FAM98B: variants seen among roughly 807,000 people sequenced by gnomAD.
The protein encoded by FAM98B is tRNA-splicing ligase complex subunit FAM98B.
In FAM98B, 32 loss-of-function variants were observed where a neutral mutation model predicts 43.9. That is an observed-to-expected ratio of 0.73 (90% CI 0.55 to 0.98). The LOEUF (loss-of-function observed/expected upper bound fraction) is 0.98. Ranked by LOEUF, FAM98B falls within the 50% of genes least tolerant of loss-of-function variation. FAM98B has a pLI of 0.00. For synonymous variants in FAM98B, 190 were observed against 174.0 expected (o/e 1.09, Z -0.72); for missense variants, 514 against 522.9 (o/e 0.98, Z 0.17).
At chr15:38,471,099 A>AT (rs982138674) in intron 4 of FAM98B, among the ~76,000 whole-genome samples, 4 of 152,062 alleles carry the variant, frequency 2.6e-5, no homozygotes, top group Non-Finnish European at 5.9e-5. Context: ...TACAGGATTC[A>AT]TTTTAAAGGA....
At chr15:38,468,754 A>G (rs1229007379) in intron 3 of FAM98B, among the ~76,000 whole-genome samples, 1 of 152,198 alleles carries the variant, frequency 6.6e-6, no homozygotes, top group Non-Finnish European at 1.5e-5. Context: ...TCCTACTTGT[A>G]GATCTACTGT....
intron 3 of FAM98B, among the ~76,000 whole-genome samples, chr15:38,469,007 G>A (rs903598212): frequency 6.6e-6 from 1 of 152,178 alleles, no homozygotes; most frequent in Admixed American, 6.5e-5. Context: ...CTGGGTTCAA[G>A]CAATTCTCCT....
At chr15:38,475,016 A>G (rs1361951060) in intron 6 of FAM98B, among the ~76,000 whole-genome samples, 1 of 151,310 alleles carries the variant, frequency 6.6e-6, no homozygotes, top group African/African-American at 2.4e-5. Flanking sequence ...GGGAGAGTTA[A>G]TCTGGTGCCG....
intron 4 of FAM98B, among the ~76,000 whole-genome samples, chr15:38,471,263 G>T (rs1234911613): frequency 6.6e-6 from 1 of 152,014 alleles, no homozygotes; most frequent in Non-Finnish European, 1.5e-5. Context: ...GAGAATTATA[G>T]TATCATTAAG....
At chr15:38,473,733 C>A (rs1890157521) in intron 5 of FAM98B, 148 bp downstream of exon 5, 2 of 622,058 alleles carry the variant, frequency 3.2e-6, no homozygotes, top group African/African-American at 3.8e-5. Flanking sequence ...GTAATATGTC[C>A]TAACATTTCT....
chr15:38,468,582 T>C (rs767550204), intron 3 of FAM98B, among the ~76,000 whole-genome samples: 1 of 152,182 alleles, frequency 6.6e-6, no homozygotes, highest in Non-Finnish European at 1.5e-5. Context: ...AAGTTTAATA[T>C]TGGTCTTAAA....
rs1889993389 is a variant in FAM98B at position 38,464,177 on chromosome 15, GGTATTGCCATTATGTT to G, written c.217+6_217+21del. On this transcript the variant is annotated splice_donor_variant and splice_donor_5th_base_variant and intron_variant, in intron 2 of 7. Coordinates refer to ENST00000397609, the MANE Select transcript of FAM98B (RefSeq NM_173611.4). LOFTEE classifies it high-confidence loss of function. Reference sequence around the variant, plus strand: ...CTTGGAAGAAAGTATCACGTCTGCTGGTATTGCCATTATGTTGTATTTACTTTTCTGTTTAATAGTA... The same window carrying G: ...CTTGGAAGAAAGTATCACGTCTGCTGGTATTTACTTTTCTGTTTAATAGTA... The G allele has an allele frequency of 6.2e-7, 1 of 1,609,862 alleles. No individual in the cohort carries two copies.
At chr15:38,482,391 C>T (rs958904357) in intron 7 of FAM98B, 1 of 152,112 alleles carries the variant, frequency 6.6e-6, no homozygotes, top group Admixed American at 6.6e-5. Context: ...TAACATTGGC[C>T]ATCTCTTCTG....
chr15:38,466,818 A>G (rs990816604), intron 3 of FAM98B, among the ~76,000 whole-genome samples: 3 of 152,168 alleles, frequency 2.0e-5, no homozygotes, highest in Non-Finnish European at 4.4e-5. Context: ...AGCATTTATA[A>G]TCTCACTCCC....
intron 4 of FAM98B, among the ~76,000 whole-genome samples, chr15:38,472,676 C>A (rs1890144738): frequency 3.9e-5 from 6 of 152,082 alleles, no homozygotes; most frequent in Admixed American, 3.9e-4. Context: ...CTCCACATTA[C>A]AACCCCAGCT....
At chr15:38,459,456 A>C in intron 1 of FAM98B, 1 of 354,478 alleles carries the variant, frequency 2.8e-6, no homozygotes, top group Non-Finnish European at 5.6e-6. Flanking sequence ...GAGGCTTCTT[A>C]AGGAGGGCTT....
At position 38,465,515 on chromosome 15, in the gene FAM98B, A is replaced by G. The variant is rs1566898111; in HGVS notation, c.352+112A>G. On this transcript the variant is annotated intron_variant, in intron 3 of 7. Coordinates refer to ENST00000397609, the MANE Select transcript of FAM98B (RefSeq NM_173611.4). ...TTTTGTATATTAAAAGGGTTTTAAT[A>G]TTTTACTTAAAATACAAAGCTATCT... The G allele has an allele frequency of 9.0e-6, 9 of 1,000,734 alleles. No homozygotes were observed. The Admixed American group carries it at 9.7e-5, about 11-fold the overall frequency. 62.0% of individuals were successfully genotyped at this position (1,000,734 alleles called of 1,614,324 possible). A position where few individuals can be genotyped will look rare whatever the true frequency, so the allele number is the denominator to read the frequency against.
chr15:38,478,617 C>G (rs1890240505), intron 6 of FAM98B, among the ~76,000 whole-genome samples: 1 of 152,062 alleles, frequency 6.6e-6, no homozygotes, highest in African/African-American at 2.4e-5. Context: ...CTAATTTTGC[C>G]TCTTTGACCC....
At chr15:38,475,779 C>T (rs1369638792) in intron 6 of FAM98B, among the ~76,000 whole-genome samples, 1 of 152,188 alleles carries the variant, frequency 6.6e-6, no homozygotes, top group Non-Finnish European at 1.5e-5. Flanking sequence ...GGATGTGGAC[C>T]TCTTTGGAGG....
chr15:38,472,162 C>T lies in FAM98B; in HGVS notation c.532-1343C>T, dbSNP rs188154329. Among the ~76,000 whole-genome samples the T allele has an allele frequency of 1.2e-3, 185 of 152,190 alleles. 1 individual carries two copies. The highest frequency in any genetic ancestry group is 2.0e-3 in the Non-Finnish European group (136 of 67,958). ...ATTTTCAGATTTATTAAAACTATTA[C>T]GTAATGTTGGAATCCTAGGAATGGA... On this transcript the variant is annotated intron_variant, in intron 4 of 7. Coordinates refer to ENST00000397609, the MANE Select transcript of FAM98B (RefSeq NM_173611.4).
In FAM98B at chr15:38,465,235, T is replaced by C. The variant is rs1018651026; in HGVS notation, c.218-34T>C. 3 of 1,582,504 alleles carry C rather than the reference T, an allele frequency of 1.9e-6. No individual in the cohort carries two copies. The South Asian group carries it at 3.5e-5, about 19-fold the overall frequency. ...TAGTATTGGATTATATGGTAAATGC[T>C]CAGTAAATGTTTTATGATTTTTCTT... On this transcript the variant is annotated intron_variant, in intron 2 of 7. Transcript: ENST00000397609.
In FAM98B at chr15:38,486,671, T is replaced by G. The variant is rs960813453; in HGVS notation, c.*2012T>G. ...CGTGTTGGAGCTGAAACCACTCCTATGTACACATTCCTATAAACCTTAATT... is the reference window on the plus strand; with the variant it reads ...CGTGTTGGAGCTGAAACCACTCCTAGGTACACATTCCTATAAACCTTAATT... On this transcript the variant is annotated 3_prime_UTR_variant, in exon 8 of 8. Transcript: ENST00000397609. 1.3e-5 allele frequency: 2 copies of G among 152,166 alleles called. No individual in the cohort carries two copies. The highest frequency in any genetic ancestry group is 2.9e-5 in the Non-Finnish European group (2 of 67,978). 9.4% of individuals were successfully genotyped at this position (152,166 alleles called of 1,614,324 possible). A position where few individuals can be genotyped will look rare whatever the true frequency, so the allele number is the denominator to read the frequency against.
rs749410691 is a variant in FAM98B at position 38,484,550 on chromosome 15, G to A, written c.1193G>A (p.Gly398Asp). Reference sequence around the variant, plus strand: ...AGGGGAGATTATGGTGGAAGAGGGGGTTATGGTGGAAGAGGGGGCTATGGT... The same window carrying A: ...AGGGGAGATTATGGTGGAAGAGGGGATTATGGTGGAAGAGGGGGCTATGGT... ...QGRGDYGGRG[G>D]YGGRGGYGGR... Residue 398 changes from glycine (G) to aspartate (D), a missense_variant, in exon 8 of 8, where the codon GGT (glycine) becomes GAT (aspartate). Gly to Asp is a moderately conservative substitution (Grantham distance 94). Transcript: ENST00000397609. 20 of 1,391,900 alleles carry A rather than the reference G, an allele frequency of 1.4e-5. No individual in the cohort carries two copies. The highest frequency in any genetic ancestry group is 1.4e-4 in the South Asian group (10 of 72,442). 86.2% of individuals were successfully genotyped at this position (1,391,900 alleles called of 1,614,324 possible). A position where few individuals can be genotyped will look rare whatever the true frequency, so the allele number is the denominator to read the frequency against.
chr15:38,459,996 T>C (rs1889921773), intron 1 of FAM98B, among the ~76,000 whole-genome samples: 1 of 152,230 alleles, frequency 6.6e-6, no homozygotes, highest in African/African-American at 2.4e-5. Flanking sequence ...TCTTCTGTTT[T>C]ATCTCTTGGC....
Sources: gnomAD v4.1 joint callset for allele counts (sites outside exome capture counted in the v4.1 genomes callset) on GRCh38, gnomAD v4.1.1 for gene constraint, MANE v1.5 for transcripts, NCBI Gene and HGNC (gene_info 2026-07-23, HGNC 2026-07-21) for gene names.